NOL6: variants seen among roughly 807,000 people sequenced by gnomAD.
NOL6 encodes the protein nucleolar protein 6.
A neutral mutation model predicts 131.7 loss-of-function variants in NOL6; 33 were observed. That is an observed-to-expected ratio of 0.25 (90% CI 0.19 to 0.33). The LOEUF (loss-of-function observed/expected upper bound fraction) is 0.33, where lower values mean the gene tolerates loss of function less well. NOL6 is among the 10% of genes least tolerant of loss of function. NOL6 has a pLI of 1.00. For synonymous variants in NOL6, 580 were observed against 605.7 expected, an observed-to-expected ratio of 0.96 and a Z score of 0.62; for missense variants, 1,297 against 1,494.5, an observed-to-expected ratio of 0.87 and a Z score of 2.18.
In NOL6 at chr9:33,463,452, G is replaced by A; in HGVS notation, c.2995-11C>T. On this transcript the variant is annotated splice_polypyrimidine_tract_variant and intron_variant, in intron 23 of 25. Transcript: ENST00000297990. ...CGGCCGGAACACTGTCTAAGGAAGG[G>A]GAGAAGGAGGGGTCAGCAGGACCCC... 1.9e-6 allele frequency: 3 copies of A among 1,596,292 alleles called. No individual in the cohort carries two copies. The highest frequency in any genetic ancestry group is 1.4e-5 in the African/African-American group (1 of 72,044).
chr9:33,470,395 GA>G, intron 3 of NOL6: 2 of 417,300 alleles, frequency 4.8e-6, no homozygotes, highest in Non-Finnish European at 8.2e-6. Context: ...GCTCTGTTAA[GA>G]ATACCCATTT....
At position 33,464,931 on chromosome 9, in the gene NOL6, C is replaced by T. The variant is rs1329728804; in HGVS notation, c.2727G>A (p.Thr909=). 3 of 1,613,858 alleles carry T rather than the reference C, an allele frequency of 1.9e-6. No individual in the cohort carries two copies. In the African/African-American group the frequency reaches 4.0e-5, roughly 22 times the overall value. Residue 909 remains threonine, a synonymous_variant, in exon 21 of 26, where the codon ACG becomes ACA. Transcript: ENST00000297990. ...GFLRFLFLVS[T]FDWKNNPLFV... is the part of the protein sequence containing the mutation. Reference sequence around the variant, plus strand: ...AGAGGGGGTTGTTCTTCCAATCAAACGTTGATACCAAGAAAAGGAATCGAA... The same window carrying T: ...AGAGGGGGTTGTTCTTCCAATCAAATGTTGATACCAAGAAAAGGAATCGAA...
In NOL6 at chr9:33,468,432, T is replaced by C. The variant is rs1314790508; in HGVS notation, c.1207-10A>G. 1 of 1,612,874 alleles carries C rather than the reference T, an allele frequency of 6.2e-7. No homozygotes were observed. Among genetic ancestry groups the C allele is most frequent in the African/African-American group, 1.3e-5 (1 of 74,788 alleles). On this transcript the variant is annotated splice_polypyrimidine_tract_variant and intron_variant, in intron 9 of 25. Coordinates refer to ENST00000297990, the MANE Select transcript of NOL6 (RefSeq NM_022917.5). ...AGTCAGCCAGGGCCGGCTTGGGGGG[T>C]GTAGAGAGAAGCAGGTCAGGATTGG...
chr9:33,469,459 C>T (rs961230346), intron 5 of NOL6, 40 bp downstream of exon 5: 3 of 1,591,384 alleles, frequency 1.9e-6, no homozygotes, highest in Non-Finnish European at 2.6e-6. Context: ...CCAGATTTAC[C>T]ATCCCATGCT....
chr9:33,467,680 C>T lies in NOL6; in HGVS notation c.1602+11G>A. 1.9e-6 allele frequency: 3 copies of T among 1,552,914 alleles called. No homozygotes were observed. The highest frequency in any genetic ancestry group is 2.6e-6 in the Non-Finnish European group (3 of 1,150,188). On this transcript the variant is annotated intron_variant, in intron 12 of 25. Transcript: ENST00000297990. This position sits in a 1 kb window ranked among gnomAD's most constrained non-coding sequence, Gnocchi z 4.4. ...ACTCAGACCCAAACTCCCCAACCTA[C>T]ACCACCTCACCTCTGGGACTGGGGG...
Position 33,469,855 on chromosome 9 carries a change from A to T in NOL6, c.558+157T>A. On this transcript the variant is annotated intron_variant, in intron 4 of 25. Transcript: ENST00000297990. ...CTCCAAAAGGACAGCAACTGGCCCGAGGGATCTAAGCTGCCTTCAGGATGC... is the reference window on the plus strand; with the variant it reads ...CTCCAAAAGGACAGCAACTGGCCCGTGGGATCTAAGCTGCCTTCAGGATGC... 4.0e-6 allele frequency: 4 copies of T among 1,007,216 alleles called. No homozygotes were observed. The East Asian group carries it at 8.0e-5, about 20-fold the overall frequency. The allele number at this position is 1,007,216 out of a possible 1,614,324, so 62.4% of individuals were successfully genotyped here.
Position 33,467,793 on chromosome 9 carries a change from C to T in NOL6, c.1500G>A (p.Gly500=). 1 of 1,611,518 alleles carries T rather than the reference C, an allele frequency of 6.2e-7. No individual in the cohort carries two copies. The highest frequency in any genetic ancestry group is 1.3e-5 in the African/African-American group (1 of 74,940). Residue 500 remains glycine, a synonymous_variant, in exon 12 of 26, where the codon GGG becomes GGA. Transcript: ENST00000297990. The surrounding 1 kb of genome is among the most constrained non-coding windows in gnomAD (Gnocchi z 4.4). ...GGCCCAAAGCAGCTGAGACATAGTC[C>T]CCACCATTGTCCTGCAGCTCTGGCC... ...KLWPELQDNG[G]DYVSAALGPL...
At position 33,461,481 on chromosome 9, in the gene NOL6, G is replaced by C. The variant is rs561333855; in HGVS notation, c.*1183C>G. 4 of 152,364 alleles carry C rather than the reference G, an allele frequency of 2.6e-5. No individual in the cohort carries two copies. In the South Asian group the frequency reaches 8.3e-4, roughly 32 times the overall value. 9.4% of individuals were successfully genotyped at this position (152,364 alleles called of 1,614,324 possible). On this transcript the variant is annotated 3_prime_UTR_variant, in exon 26 of 26. Coordinates refer to ENST00000297990, the MANE Select transcript of NOL6 (RefSeq NM_022917.5). Reference sequence around the variant, plus strand: ...GCAATTTAACTTTTTATTTAAAAGAGATGGGGTCTCTCTGTTGCCCAGATT... The same window carrying C: ...GCAATTTAACTTTTTATTTAAAAGACATGGGGTCTCTCTGTTGCCCAGATT...
At chr9:33,464,266 ATTTT>A in intron 21 of NOL6, 105 bp from the exon 22 acceptor site, 1 of 1,300,424 alleles carries the variant, frequency 7.7e-7, no homozygotes, top group Non-Finnish European at 1.0e-6. Context: ...CATCACAGGT[ATTTT>A]TCAACACTCC....
In NOL6 at chr9:33,465,929, G is replaced by A. The variant is rs773568640; in HGVS notation, c.2365-32C>T. 7 of 1,605,622 alleles carry A rather than the reference G, an allele frequency of 4.4e-6. No individual in the cohort carries two copies. In the South Asian group the frequency reaches 6.6e-5, roughly 15 times the overall value. On this transcript the variant is annotated intron_variant, in intron 18 of 25. Transcript: ENST00000297990. The stretch of plus-strand genomic sequence containing the variant: ...GAAGAAGGTATGGAAAGAGAAGGAT[G>A]TGTCAGCCCAGAACCCCGGGAGTAC...
chr9:33,463,130 G>T lies in NOL6; in HGVS notation c.3194C>A (p.Ala1065Asp), dbSNP rs78504369. Reference protein sequence around the residue: ...PQLYLTQLREAFGDLALFFYD... With the variant: ...PQLYLTQLREDFGDLALFFYD... ...GAAGAAAAGGGCCAGATCCCCAAAG[G>T]CCTCCTAGAAAGGGACAGAACAGAG... Residue 1065 changes from alanine to aspartate, a missense_variant, in exon 25 of 26, where the codon GCC (alanine) becomes GAC (aspartate). Ala to Asp is a moderately radical substitution (Grantham distance 126). Coordinates refer to ENST00000297990, the MANE Select transcript of NOL6 (RefSeq NM_022917.5). 1 of 1,612,864 alleles carries T rather than the reference G, an allele frequency of 6.2e-7. No individual in the cohort carries two copies. Among genetic ancestry groups the T allele is most frequent in the Non-Finnish European group, 8.5e-7 (1 of 1,179,348 alleles).
Position 33,465,498 on chromosome 9 carries a change from G to A in NOL6, c.2529-139C>T, listed in dbSNP as rs1000553386. 7.9e-5 allele frequency: 91 copies of A among 1,157,450 alleles called. No homozygotes were observed. In the African/African-American group the frequency reaches 9.2e-4, roughly 12 times the overall value. The allele number at this position is 1,157,450 out of a possible 1,614,324, so 71.7% of individuals were successfully genotyped here. A position where few individuals can be genotyped will look rare whatever the true frequency, so the allele number is the denominator to read the frequency against. ...CTCTTAAGAAATGCACCAAGAAGTT[G>A]ACCCTAGTGTTATTTCCATTTTACA... On this transcript the variant is annotated intron_variant, in intron 19 of 25. Coordinates refer to ENST00000297990, the MANE Select transcript of NOL6 (RefSeq NM_022917.5).
chr9:33,466,213 A>G lies in NOL6; in HGVS notation c.2222T>C (p.Leu741Pro), dbSNP rs1827236832. Residue 741 changes from leucine to proline, a missense_variant, in exon 18 of 26, where the codon CTG (leucine) becomes CCG (proline). By Grantham distance (98) the Leu-to-Pro change is moderately conservative. Transcript: ENST00000297990. ...CTGTGGCCACTGGCCACTGCCCTCC[A>G]GGTGACAAACCACTGAGGAAGAAGA... The part of the protein sequence containing the change: ...YVEPMTVVCH[L>P]EGSGQWPQDA... 1 of 1,611,106 alleles carries G rather than the reference A, an allele frequency of 6.2e-7. No homozygotes were observed. Among genetic ancestry groups the G allele is most frequent in the African/African-American group, 1.3e-5 (1 of 74,890 alleles).
At chr9:33,463,579 G>T (rs1306066322) in intron 23 of NOL6, 138 bp from the exon 24 acceptor site, 2 of 826,632 alleles carry the variant, frequency 2.4e-6, no homozygotes, top group African/African-American at 3.4e-5. Context: ...TTTGAAGACT[G>T]AAGCACCAAG....
intron 25 of NOL6, 59 bp downstream of exon 25, chr9:33,462,974 A>C (rs961422790): frequency 5.2e-6 from 8 of 1,551,956 alleles, no homozygotes; most frequent in Admixed American, 1.8e-5. Context: ...ACAGACATGC[A>C]TGCCCACACA....
chr9:33,466,832 A>G, intron 15 of NOL6, 80 bp downstream of exon 15: 2 of 1,575,984 alleles, frequency 1.3e-6, no homozygotes, highest in Non-Finnish European at 1.7e-6. Context: ...CAGGAAGTGC[A>G]AGCTGGCCAA....
chr9:33,470,068 G>A lies in NOL6; in HGVS notation c.502C>T (p.Leu168=), dbSNP rs756213764. Residue 168 remains leucine (L), a synonymous_variant, in exon 4 of 26, where the codon CTG becomes TTG. Coordinates refer to ENST00000297990, the MANE Select transcript of NOL6 (RefSeq NM_022917.5). The stretch of plus-strand genomic sequence containing the variant: ...ATGTCTGGTCGGATGCAGGTGCCCA[G>A]AAGGTAGCTGCCCACAACAGTAACC... The part of the protein sequence containing the change: ...AQVTVVGSYL[L]GTCIRPDINV... The A allele has an allele frequency of 1.2e-6, 2 of 1,612,804 alleles. No homozygotes were observed. The highest frequency in any genetic ancestry group is 3.3e-5 in the Admixed American group (2 of 59,904).
chr9:33,472,496 G>A lies in NOL6; in HGVS notation c.55-84C>T, dbSNP rs1827441543. 2.7e-6 allele frequency: 3 copies of A among 1,102,456 alleles called. No homozygotes were observed. In the African/African-American group the frequency reaches 4.6e-5, roughly 17 times the overall value. 68.3% of individuals were successfully genotyped at this position (1,102,456 alleles called of 1,614,324 possible). Reference sequence around the variant, plus strand: ...AAAGTGCCACCATGATAGGTTGTGGGTAAAAGCTTCACCTGCTCTGTCCCT... The same window carrying A: ...AAAGTGCCACCATGATAGGTTGTGGATAAAAGCTTCACCTGCTCTGTCCCT... On this transcript the variant is annotated intron_variant, in intron 1 of 25. Coordinates refer to ENST00000297990, the MANE Select transcript of NOL6 (RefSeq NM_022917.5).
At chr9:33,466,025 T>C in intron 18 of NOL6, 46 bp downstream of exon 18, 2 of 1,560,368 alleles carry the variant, frequency 1.3e-6, no homozygotes, top group East Asian at 2.3e-5. Flanking sequence ...CTGACATCCC[T>C]GGTGCCCCCC....
Sources: gnomAD v4.1 joint callset for allele counts on GRCh38, gnomAD v4.1.1 for gene constraint, Gnocchi (gnomAD v3.1) non-coding constraint, MANE v1.5 for transcripts, NCBI Gene and HGNC (gene_info 2026-07-23, HGNC 2026-07-21) for gene names.